The following PAX8 variants were observed in gnomAD, a reference collection of about 807,000 sequenced individuals.
PAX8 encodes paired box protein Pax-8.
In PAX8, 15 loss-of-function variants were observed where a neutral mutation model predicts 52.4. The observed-to-expected ratio is 0.29, with a 90% CI of 0.19 to 0.44. PAX8 has a LOEUF of 0.44. Ranked by LOEUF, PAX8 falls within the 20% of genes least tolerant of loss-of-function variation. PAX8 has a pLI of 1.00. For synonymous variants in PAX8, 284 were observed against 249.7 expected (o/e 1.14, Z -1.29); for missense variants, 554 against 602.5 (o/e 0.92, Z 0.84).
At chr2:113,276,690 G>A (rs767952906) in intron 2 of PAX8, 1 of 151,962 alleles carries the variant, frequency 6.6e-6, no homozygotes, top group Admixed American at 6.6e-5. Context: ...TCTGAGGGAC[G>A]GGGACATCGT....
intron 2 of PAX8, chr2:113,269,203 G>A (rs536700145): frequency 3.2e-4 from 49 of 152,388 alleles, no homozygotes; most frequent in African/African-American, 1.2e-3. Flanking sequence ...TCTACCTACA[G>A]CCCTGCCACA....
At chr2:113,255,295 A>G (rs1354886045) in intron 2 of PAX8, 6 of 8,282 alleles carry the variant, frequency 7.2e-4, no homozygotes, top group African/African-American at 1.5e-3. Context: ...GGGAGGGAGG[A>G]GGGAGGGGAG....
chr2:113,256,650 G>T (rs1359046034), intron 2 of PAX8, among the ~76,000 whole-genome samples: 2 of 147,476 alleles, frequency 1.4e-5, no homozygotes, highest in Non-Finnish European at 3.0e-5. Context: ...GTGTGTGTGT[G>T]TGTGTATATA....
At chr2:113,250,141 C>G (rs1424001642) in intron 2 of PAX8, among the ~76,000 whole-genome samples, 3 of 151,974 alleles carry the variant, frequency 2.0e-5, no homozygotes, top group Non-Finnish European at 4.4e-5. Flanking sequence ...GTGGCAGACG[C>G]CTGTAGTCCC....
chr2:113,260,288 T>C (rs1314068827), intron 2 of PAX8, among the ~76,000 whole-genome samples: 1 of 152,128 alleles, frequency 6.6e-6, no homozygotes, highest in Non-Finnish European at 1.5e-5. Flanking sequence ...CCGTGGAATA[T>C]CTGTGGAGGT....
intron 6 of PAX8, 120 bp downstream of exon 6, chr2:113,241,888 C>T: frequency 7.0e-7 from 1 of 1,436,670 alleles, no homozygotes; most frequent in Non-Finnish European, 9.7e-7. Context: ...GGACATGTGA[C>T]AGTCACATGC....
chr2:113,272,622 G>GCTC (rs1693535886), intron 2 of PAX8: 1 of 152,194 alleles, frequency 6.6e-6, no homozygotes, highest in Non-Finnish European at 1.5e-5. Flanking sequence ...CAGGAGCCAA[G>GCTC]AGACTCCTGG....
At position 113,227,188 on chromosome 2, in the gene PAX8, A is replaced by G; in HGVS notation, c.1156T>C (p.Tyr386His). The change falls in exon 10 of 12, where the codon TAT becomes CAT. Residue 386 changes from tyrosine to histidine, a missense_variant. By Grantham distance (83) the Tyr-to-His change is moderately conservative (BLOSUM62 2). This residue lies in a region of PAX8 where 445 missense variants were observed against 409.9 expected (regional missense o/e 1.09). Coordinates refer to ENST00000429538, the MANE Select transcript of PAX8 (RefSeq NM_003466.4). ...PHIPTSGQGS[Y>H]ASSAIAGMVA... ...ATGCCTGCGATGGCAGAGGAGGCAT[A>G]GCTGCCCTGTCCGCTGGTGGGGATG... The G allele has an allele frequency of 1.9e-6, 3 of 1,608,148 alleles. No homozygotes were observed. Among genetic ancestry groups the G allele is most frequent in the Non-Finnish European group, 2.5e-6 (3 of 1,177,776 alleles).
chr2:113,242,043 G>A lies in PAX8; in HGVS notation c.566C>T (p.Ala189Val). The change falls in exon 6 of 12, where the codon GCT (alanine) becomes GTT (valine). Residue 189 changes from alanine to valine, a missense_variant. By Grantham distance (64) the Ala-to-Val change is moderately conservative (BLOSUM62 0). Around this residue, in one of 2 missense-constraint regions of PAX8, gnomAD observed 445 missense variants for 409.9 expected, o/e 1.09. Coordinates refer to ENST00000429538, the MANE Select transcript of PAX8 (RefSeq NM_003466.4). ...TYSINGLLGIAQPGSDKRKMD... is the reference protein window; with the variant it reads ...TYSINGLLGIVQPGSDKRKMD... ...TTTCCTCTTGTCGCTGCCAGGCTGAGCGATGCCCAGGAGCCCATTGATGGA... is the reference window on the plus strand; with the variant it reads ...TTTCCTCTTGTCGCTGCCAGGCTGAACGATGCCCAGGAGCCCATTGATGGA... 1 of 1,613,788 alleles carries A rather than the reference G, an allele frequency of 6.2e-7. No homozygotes were observed. The highest frequency in any genetic ancestry group is 8.5e-7 in the Non-Finnish European group (1 of 1,179,854).
intron 5 of PAX8, 48 bp from the exon 6 acceptor site, chr2:113,242,178 C>G: frequency 1.3e-6 from 2 of 1,566,520 alleles, no homozygotes; most frequent in Non-Finnish European, 1.8e-6. Flanking sequence ...TGACACCCCT[C>G]ACAGCCCTGG....
intron 2 of PAX8, chr2:113,259,162 G>A (rs542904422): frequency 3.3e-5 from 5 of 152,670 alleles, no homozygotes; most frequent in Non-Finnish European, 5.9e-5. Flanking sequence ...AATTATATCA[G>A]CAATATAAGG....
At position 113,235,456 on chromosome 2, in the gene PAX8, A is replaced by C; in HGVS notation, c.1025T>G (p.Phe342Cys). The change falls in exon 9 of 12, where the codon TTC becomes TGC. Residue 342 changes from phenylalanine to cysteine, a missense_variant. By Grantham distance (205) the Phe-to-Cys change is radical. Transcript: ENST00000429538. The part of the protein sequence containing the change: ...LQQVGSGVPP[F>C]NAFPHAASVY... Reference sequence around the variant, plus strand: ...GGAGGCAGCATGGGGAAAGGCATTGAAGGGCGGGACCCCGGAGCCGACTTG... The same window carrying C: ...GGAGGCAGCATGGGGAAAGGCATTGCAGGGCGGGACCCCGGAGCCGACTTG... The C allele has an allele frequency of 1.2e-6, 2 of 1,611,598 alleles. No homozygotes were observed. The highest frequency in any genetic ancestry group is 4.5e-5 in the East Asian group (2 of 44,820).
At chr2:113,258,767 CT>C (rs747521995) in intron 2 of PAX8, among the ~76,000 whole-genome samples, 1 of 152,128 alleles carries the variant, frequency 6.6e-6, no homozygotes, top group Non-Finnish European at 1.5e-5. Flanking sequence ...GTCTACCCCC[CT>C]CTCTCTTCCT....
rs540427784 is a variant in PAX8 at position 113,242,849 on chromosome 2, G to T, written c.390-71C>A. ...AGAACTCATGGCTGCCCCAGACCCA[G>T]TCGCCTTTTTGACACCCCTTTTGGG... On this transcript the variant is annotated intron_variant, in intron 4 of 11. Transcript: ENST00000429538. 1,314 of 1,270,318 alleles carry T rather than the reference G, an allele frequency of 1.0e-3. 2 individuals carry two copies. The highest frequency in any genetic ancestry group is 1.4e-3 in the Non-Finnish European group (1,210 of 867,882). The allele number at this position is 1,270,318 out of a possible 1,614,324, so 78.7% of individuals were successfully genotyped here.
At chr2:113,218,839 CTA>C (rs1432563434) in intron 11 of PAX8, among the ~76,000 whole-genome samples, 1 of 152,184 alleles carries the variant, frequency 6.6e-6, no homozygotes, top group Non-Finnish European at 1.5e-5. Context: ...CCCCTTCCCC[CTA>C]TGGCTGCTTT....
chr2:113,219,264 G>T (rs933471067), intron 11 of PAX8, among the ~76,000 whole-genome samples: 1 of 152,178 alleles, frequency 6.6e-6, no homozygotes, highest in Non-Finnish European at 1.5e-5. Context: ...GGGAGGAGAG[G>T]GGGTCTTGGG....
intron 8 of PAX8, 114 bp downstream of exon 8, chr2:113,236,487 C>G: frequency 2.3e-6 from 3 of 1,288,398 alleles, no homozygotes. Flanking sequence ...GCGGCCCGGC[C>G]GGCACAGCCC....
chr2:113,261,489 TG>T (rs1692675034), intron 2 of PAX8, among the ~76,000 whole-genome samples: 1 of 152,190 alleles, frequency 6.6e-6, no homozygotes, highest in South Asian at 2.1e-4. Context: ...GTGGGGCCTA[TG>T]GGCTGCCACA....
chr2:113,226,934 G>A lies in PAX8; in HGVS notation c.1189+221C>T, dbSNP rs554250796. ...CATGGAGGGTAATGTAGCAGGCCTGGGAAGAAGGAGGCCGAGCTGGGGCAA... is the reference window on the plus strand; with the variant it reads ...CATGGAGGGTAATGTAGCAGGCCTGAGAAGAAGGAGGCCGAGCTGGGGCAA... On this transcript the variant is annotated intron_variant, in intron 10 of 11. Coordinates refer to ENST00000429538, the MANE Select transcript of PAX8 (RefSeq NM_003466.4). The A allele has an allele frequency of 7.3e-5, 106 of 1,454,186 alleles. 1 individual carries two copies. In the South Asian group the frequency reaches 1.3e-3, roughly 18 times the overall value. The allele number at this position is 1,454,186 out of a possible 1,614,324, so 90.1% of individuals were successfully genotyped here. A position where few individuals can be genotyped will look rare whatever the true frequency, so the allele number is the denominator to read the frequency against.
Sources: allele counts gnomAD v4.1 joint callset (sites outside exome capture counted in the v4.1 genomes callset), GRCh38; gene constraint gnomAD v4.1.1; regional missense constraint gnomAD v4.1.1; transcripts MANE v1.5; gene names NCBI Gene and HGNC (gene_info 2026-07-23, HGNC 2026-07-21).